The following LTBP1 variants were observed in gnomAD, a reference collection of about 807,000 sequenced individuals.
The protein encoded by LTBP1 is latent-transforming growth factor beta-binding protein 1.
Under a neutral mutation model 207.6 loss-of-function variants are expected in LTBP1, and 129 were observed. The ratio of observed to expected loss-of-function variants is 0.62; its 90% CI spans 0.54 to 0.72. LTBP1 has a LOEUF of 0.72. LTBP1 is among the 30% of genes least tolerant of loss of function. LTBP1 has a pLI of 0.00. For synonymous variants in LTBP1, 963 were observed against 833.7 expected, an observed-to-expected ratio of 1.16 and a Z score of -2.67; for missense variants, 2,281 against 2,217.2, an observed-to-expected ratio of 1.03 and a Z score of -0.58.
At chr2:33,372,690 G>C (rs549208109) in intron 31 of LTBP1, among the ~76,000 whole-genome samples, 1 of 151,910 alleles carries the variant, frequency 6.6e-6, no homozygotes, top group Non-Finnish European at 1.5e-5. Flanking sequence ...CCTGGCCAAC[G>C]TGGTGAAACC....
intron 2 of LTBP1, among the ~76,000 whole-genome samples, chr2:32,996,039 A>G (rs1377428838): frequency 6.6e-6 from 1 of 152,104 alleles, no homozygotes; most frequent in Non-Finnish European, 1.5e-5. Flanking sequence ...TTTCCTATAT[A>G]CGTATCGATA....
intron 2 of LTBP1, among the ~76,000 whole-genome samples, chr2:33,009,868 A>G (rs545503970): frequency 2.0e-5 from 3 of 152,322 alleles, no homozygotes; most frequent in South Asian, 2.1e-4. Flanking sequence ...AGATACCCAC[A>G]TGGAGGCATC....
chr2:33,341,729 A>AAAAAAAAAAAAATAT (rs745445793), intron 24 of LTBP1, among the ~76,000 whole-genome samples: 1 of 93,636 alleles, frequency 1.1e-5, no homozygotes, highest in African/African-American at 5.1e-5. Context: ...AAAAAAAAAA[A>AAAAAAAAAAAAATAT]ATATATATAT....
At position 32,947,135 on chromosome 2, in the gene LTBP1, A is replaced by G. The variant is rs938193463; in HGVS notation, c.-190A>G. On this transcript the variant is annotated 5_prime_UTR_variant, in exon 1 of 34. Transcript: ENST00000404816. ...CGCCCTCCTCCTGCTCCCAGCCACA[A>G]TCGGCCGGGGTCTGGGGCCGCTCAG... 5.5e-6 allele frequency: 2 copies of G among 365,874 alleles called. No individual in the cohort carries two copies. The highest frequency in any genetic ancestry group is 4.8e-6 in the Non-Finnish European group (1 of 210,302). The allele number at this position is 365,874 out of a possible 1,614,324, so 22.7% of individuals were successfully genotyped here.
intron 13 of LTBP1, among the ~76,000 whole-genome samples, 182 bp from the exon 14 acceptor site, chr2:33,262,540 C>CTT (rs369761322): frequency 9.2e-4 from 91 of 98,494 alleles, no homozygotes; most frequent in Middle Eastern, 5.7e-3. Flanking sequence ...ATCAAAGGTT[C>CTT]TTTTTTTTTT....
At chr2:33,209,062 TG>T (rs1358438253) in intron 7 of LTBP1, among the ~76,000 whole-genome samples, 1 of 151,748 alleles carries the variant, frequency 6.6e-6, no homozygotes, top group African/African-American at 2.4e-5. Context: ...TAGTAGAGAC[TG>T]GGTTTCACCA....
chr2:33,275,908 A>G lies in LTBP1; in HGVS notation c.2977A>G (p.Arg993Gly), dbSNP rs757776923. 3 of 1,595,584 alleles carry G rather than the reference A, an allele frequency of 1.9e-6. No homozygotes were observed. The highest frequency in any genetic ancestry group is 2.6e-6 in the Non-Finnish European group (3 of 1,170,722). The change falls in exon 18 of 34, where the codon AGA (arginine) becomes GGA (glycine). Residue 993 changes from arginine to glycine, a missense_variant. Physicochemically the swap from Arg to Gly is moderately radical, Grantham distance 125 (BLOSUM62 -2). Around this residue, in one of 3 missense-constraint regions of LTBP1, gnomAD observed 1,671 missense variants for 1,634.8 expected, o/e 1.02. Coordinates refer to ENST00000404816, the MANE Select transcript of LTBP1 (RefSeq NM_206943.4). ...YCDSGYRMTQRGRCEDIDECL... is the reference protein window; with the variant it reads ...YCDSGYRMTQGGRCEDIDECL... ...TGACAGCGGGTACCGCATGACTCAG[A>G]GAGGCCGTTGTGAGGGTGAGTCAGC...
At chr2:33,256,988 T>C (rs1187157504) in intron 11 of LTBP1, among the ~76,000 whole-genome samples, 1 of 150,700 alleles carries the variant, frequency 6.6e-6, no homozygotes, top group East Asian at 1.9e-4. Context: ...TAATATGATA[T>C]ATAAAATATA....
At chr2:33,343,190 C>T (rs2094652626) in intron 25 of LTBP1, among the ~76,000 whole-genome samples, 1 of 152,048 alleles carries the variant, frequency 6.6e-6, no homozygotes, top group Admixed American at 6.6e-5. Context: ...TTGCTTGAGA[C>T]CAGGAGTTTG....
intron 4 of LTBP1, among the ~76,000 whole-genome samples, chr2:33,117,244 C>T (rs557537539): frequency 4.6e-5 from 7 of 152,154 alleles, no homozygotes; most frequent in Admixed American, 1.3e-4. Flanking sequence ...TTTGGACACA[C>T]GAGGCCTCTT....
intron 3 of LTBP1, among the ~76,000 whole-genome samples, chr2:33,082,922 G>A (rs1444217891): frequency 6.6e-6 from 1 of 152,052 alleles, no homozygotes; most frequent in Non-Finnish European, 1.5e-5. Context: ...GGTGGCTAAT[G>A]CAAGGTACTC....
At chr2:33,056,911 A>G (rs1418852462) in intron 3 of LTBP1, among the ~76,000 whole-genome samples, 2 of 152,110 alleles carry the variant, frequency 1.3e-5, no homozygotes, top group Non-Finnish European at 2.9e-5. Flanking sequence ...TCCATTTTAC[A>G]GAGAGCCAGT....
In LTBP1 at chr2:33,004,816, A is replaced by ATATATATAT. The variant is rs1558501569; in HGVS notation, c.566-16093_566-16092insTATATATAT. Among the ~76,000 whole-genome samples the ATATATATAT allele has an allele frequency of 2.6e-3, 189 of 72,036 alleles. 2 individuals are homozygous for ATATATATAT. The highest frequency in any genetic ancestry group is 6.6e-3 in the African/African-American group (166 of 25,166). The allele number at this position is 72,036 out of a possible 152,430, so 47.3% of individuals were successfully genotyped here. ...ATATATATATATATATATATATATA[A>ATATATATAT]ACATAAAATTTGTAAAATAGTATTT... is the stretch of plus-strand genomic sequence containing the variant. On this transcript the variant is annotated intron_variant, in intron 2 of 33. Transcript: ENST00000404816.
At chr2:33,089,702 C>T (rs2078971060) in intron 3 of LTBP1, among the ~76,000 whole-genome samples, 1 of 152,210 alleles carries the variant, frequency 6.6e-6, no homozygotes, top group Non-Finnish European at 1.5e-5. Context: ...ATATGTAGCA[C>T]ATAAGTGAAT....
chr2:33,361,281 T>A, intron 27 of LTBP1, 148 bp from the exon 28 acceptor site: 1 of 563,146 alleles, frequency 1.8e-6, no homozygotes, highest in East Asian at 2.9e-5. Flanking sequence ...TTCTTTGCAC[T>A]TAATCCATCA....
At chr2:33,311,365 T>C (rs1028547799) in intron 23 of LTBP1, among the ~76,000 whole-genome samples, 1 of 152,162 alleles carries the variant, frequency 6.6e-6, no homozygotes, top group Non-Finnish European at 1.5e-5. Context: ...GCCATCCTCA[T>C]GCAATAAGGT....
intron 5 of LTBP1, among the ~76,000 whole-genome samples, chr2:33,170,461 C>A (rs560798035): frequency 6.6e-6 from 1 of 152,224 alleles, no homozygotes; most frequent in Non-Finnish European, 1.5e-5. Context: ...GAGGGGCGCC[C>A]GCCATTGCCC....
In LTBP1 at chr2:33,309,440, A is replaced by G. The variant is rs763437579; in HGVS notation, c.3488A>G (p.Asn1163Ser). ...SGLGDHCEDI[N>S]ECLEDKSVCQ... ...TTTTTAAATTGGTTTTTAGATATCA[A>G]TGAATGCTTGGAGGACAAGAGTGTT... The change falls in exon 23 of 34, where the codon AAT (asparagine) becomes AGT (serine). Residue 1163 changes from asparagine (N) to serine (S), a missense_variant. Physicochemically the swap from Asn to Ser is conservative, Grantham distance 46. Around this residue, in one of 3 missense-constraint regions of LTBP1, gnomAD observed 1,671 missense variants for 1,634.8 expected, o/e 1.02. Coordinates refer to ENST00000404816, the MANE Select transcript of LTBP1 (RefSeq NM_206943.4). 3.1e-5 allele frequency: 49 copies of G among 1,590,996 alleles called. No homozygotes were observed. The highest frequency in any genetic ancestry group is 9.4e-5 in the Admixed American group (5 of 52,960).
chr2:33,156,348 T>C (rs2083970578), intron 5 of LTBP1, among the ~76,000 whole-genome samples: 1 of 152,176 alleles, frequency 6.6e-6, no homozygotes, highest in African/African-American at 2.4e-5. Context: ...GAAAAGACCA[T>C]ATTCGTCGTG....
Sources: allele counts gnomAD v4.1 joint callset (sites outside exome capture counted in the v4.1 genomes callset), GRCh38; gene constraint gnomAD v4.1.1; regional missense constraint gnomAD v4.1.1; transcripts MANE v1.5; gene names NCBI Gene and HGNC (gene_info 2026-07-23, HGNC 2026-07-21).